Variants in ADARB1 observed in about 807,000 individuals in gnomAD.
The protein encoded by ADARB1 is adenosine deaminase RNA specific B1.
ADARB1 carries 10 observed loss-of-function variants against 52.4 expected under a neutral mutation model. That is an observed-to-expected ratio of 0.19 (90% CI 0.12 to 0.32). The LOEUF is 0.32. Among genes scored for constraint, ADARB1 ranks in the 10% least tolerant of loss-of-function variants. ADARB1 has a pLI of 1.00. For missense variants in ADARB1, 643 were observed against 922.3 expected (o/e 0.70, Z 3.92); for synonymous variants, 349 against 371.1 (o/e 0.94, Z 0.68).
chr21:45,103,642 A>G (rs2087121819), intron 1 of ADARB1, among the ~76,000 whole-genome samples: 1 of 152,052 alleles, frequency 6.6e-6, no homozygotes, highest in South Asian at 2.1e-4. Flanking sequence ...TCTGAAGCCC[A>G]GTTCCTAACA....
intron 1 of ADARB1, among the ~76,000 whole-genome samples, chr21:45,097,030 C>T (rs1169280511): frequency 2.0e-5 from 3 of 152,228 alleles, no homozygotes; most frequent in African/African-American, 7.2e-5. Context: ...TGAGCCACTG[C>T]GCCCAGCCTT....
At chr21:45,183,066 G>A (rs139875954) in intron 6 of ADARB1, among the ~76,000 whole-genome samples, 4 of 152,226 alleles carry the variant, frequency 2.6e-5, no homozygotes, top group African/African-American at 4.8e-5. Context: ...TCTAGTCACC[G>A]TTTCTAGAAA....
At position 45,180,352 on chromosome 21, in the gene ADARB1, G is replaced by A. The variant is rs1231437737; in HGVS notation, c.986G>A (p.Arg329His). The change falls in exon 5 of 11, where the codon CGC (arginine) becomes CAC (histidine). Residue 329 changes from arginine to histidine, a missense_variant. Coordinates refer to ENST00000348831, the MANE Select transcript of ADARB1 (RefSeq NM_001112.4). Reference protein sequence around the residue: ...LPQVLADAVSRLVLGKFGDLT... With the variant: ...LPQVLADAVSHLVLGKFGDLT... ...CAGGTTTTAGCTGACGCTGTCTCAC[G>A]CCTGGTCCTGGGTAAGTTTGGTGAC... 6 of 1,613,942 alleles carry A rather than the reference G, an allele frequency of 3.7e-6. No individual in the cohort carries two copies. The highest frequency in any genetic ancestry group is 2.2e-5 in the East Asian group (1 of 44,886).
At chr21:45,122,508 G>A (rs1217862656) in intron 1 of ADARB1, among the ~76,000 whole-genome samples, 1 of 152,180 alleles carries the variant, frequency 6.6e-6, no homozygotes, top group Non-Finnish European at 1.5e-5. Flanking sequence ...GACAAATTTG[G>A]AGTCATGCTA....
chr21:45,182,152 T>C (rs1351844894), intron 5 of ADARB1, among the ~76,000 whole-genome samples: 1 of 152,244 alleles, frequency 6.6e-6, no homozygotes, highest in Non-Finnish European at 1.5e-5. Flanking sequence ...CTTATTCCTC[T>C]GGGTGCCGTT....
chr21:45,092,344 C>G (rs960145288), intron 1 of ADARB1, among the ~76,000 whole-genome samples: 1 of 152,188 alleles, frequency 6.6e-6, no homozygotes, highest in African/African-American at 2.4e-5. Context: ...ACTTTCTGAC[C>G]TCTCTCTCTT....
At chr21:45,184,041 C>T (rs115488269) in intron 7 of ADARB1, among the ~76,000 whole-genome samples, 1 of 152,200 alleles carries the variant, frequency 6.6e-6, no homozygotes, top group African/African-American at 2.4e-5. Context: ...CCAAATAGAA[C>T]GTTTTATTAC....
At chr21:45,129,959 G>C (rs571456052) in intron 2 of ADARB1, among the ~76,000 whole-genome samples, 8 of 152,154 alleles carry the variant, frequency 5.3e-5, no homozygotes, top group African/African-American at 1.9e-4. Flanking sequence ...CTTTTTTTGG[G>C]GGGGTACACA....
chr21:45,167,395 GATTA>G (rs1225046180), intron 2 of ADARB1, among the ~76,000 whole-genome samples: 3 of 152,150 alleles, frequency 2.0e-5, no homozygotes, highest in African/African-American at 4.8e-5. Flanking sequence ...ACCAATTATT[GATTA>G]ATTATGTATA....
chr21:45,074,810 G>A lies in ADARB1; in HGVS notation c.-220+17G>A. 1 of 147,584 alleles carries A rather than the reference G, an allele frequency of 6.8e-6. No homozygotes were observed. Among genetic ancestry groups the A allele is most frequent in the South Asian group, 1.8e-4 (1 of 5,444 alleles). 9.1% of individuals were successfully genotyped at this position (147,584 alleles called of 1,614,324 possible). A position where few individuals can be genotyped will look rare whatever the true frequency, so the allele number is the denominator to read the frequency against. On this transcript the variant is annotated intron_variant, in intron 1 of 10. Transcript: ENST00000348831. ...GCGGCTGAGGTGAGGGCGGCGCGGG[G>A]CCGCGGCGGCTCGGGCGGGCGCGGG... is the stretch of plus-strand genomic sequence containing the variant.
intron 9 of ADARB1, among the ~76,000 whole-genome samples, chr21:45,219,749 G>A (rs969438906): frequency 2.0e-5 from 3 of 152,196 alleles, no homozygotes; most frequent in Admixed American, 6.5e-5. Context: ...TTTGATGAGA[G>A]GAATAAATAG....
At chr21:45,185,143 A>G (rs762056513) in intron 8 of ADARB1, 52 bp downstream of exon 8, 1 of 1,570,626 alleles carries the variant, frequency 6.4e-7, no homozygotes. Context: ...GGATTCATCC[A>G]TACTGTTTGC....
In ADARB1 at chr21:45,221,573, G is replaced by A. The variant is rs116452425; in HGVS notation, c.1927-445G>A. Among the ~76,000 whole-genome samples the A allele has an allele frequency of 5.9e-5, 9 of 152,292 alleles. No homozygotes were observed. The highest frequency in any genetic ancestry group is 2.1e-4 in the South Asian group (1 of 4,822). ...GGTATAGCCAGAAGGGACAGTGCCCGGGAGGGTCCTGTTCACCAGGGGCAG... is the reference window on the plus strand; with the variant it reads ...GGTATAGCCAGAAGGGACAGTGCCCAGGAGGGTCCTGTTCACCAGGGGCAG... On this transcript the variant is annotated intron_variant, in intron 10 of 10. Coordinates refer to ENST00000348831, the MANE Select transcript of ADARB1 (RefSeq NM_001112.4). The surrounding 1 kb of genome is among the most constrained non-coding windows in gnomAD (Gnocchi z 4.9).
At chr21:45,184,805 T>C in intron 7 of ADARB1, 118 bp from the exon 8 acceptor site, 1 of 1,132,560 alleles carries the variant, frequency 8.8e-7, no homozygotes, top group Non-Finnish European at 1.3e-6. Flanking sequence ...GGCATAAACA[T>C]ATGCATTTAT....
At chr21:45,195,663 A>G (rs531790049) in intron 8 of ADARB1, among the ~76,000 whole-genome samples, 46 of 152,136 alleles carry the variant, frequency 3.0e-4, no homozygotes, top group Non-Finnish European at 5.9e-4. Context: ...TTTGTAGAAA[A>G]TACTACCTTT....
Position 45,183,523 on chromosome 21 carries a change from A to C in ADARB1, c.1396+13A>C. The C allele has an allele frequency of 6.2e-7, 1 of 1,610,476 alleles. No individual in the cohort carries two copies. ...CCAATCCTGGAAGGTATGAGACGAGATTCTTCAACAAGCCAGTTTCTCAAG... is the reference window on the plus strand; with the variant it reads ...CCAATCCTGGAAGGTATGAGACGAGCTTCTTCAACAAGCCAGTTTCTCAAG... On this transcript the variant is annotated intron_variant, in intron 7 of 10. Transcript: ENST00000348831.
In ADARB1 at chr21:45,175,737, C is replaced by T; in HGVS notation, c.36C>T (p.Ser12=). The T allele has an allele frequency of 6.2e-7, 1 of 1,613,964 alleles. No individual in the cohort carries two copies. The highest frequency in any genetic ancestry group is 1.1e-5 in the South Asian group (1 of 91,074). The change falls in exon 4 of 11, where the codon AGC becomes AGT. Residue 12 remains serine (S), a synonymous_variant. Coordinates refer to ENST00000348831, the MANE Select transcript of ADARB1 (RefSeq NM_001112.4). ...TCTTTCTGGGCACCACAGGTTCCAG[C>T]AGCACTGATGTGAAGGAAAACCGCA... The part of the protein sequence containing the change: ...DIEDEENMSS[S]STDVKENRNL...
chr21:45,177,535 T>C (rs1183222178), intron 4 of ADARB1: 1 of 152,256 alleles, frequency 6.6e-6, no homozygotes, highest in Non-Finnish European at 1.5e-5. Context: ...TCTGATTATG[T>C]ATTCCTTCTT....
chr21:45,176,499 T>C lies in ADARB1; in HGVS notation c.798T>C (p.Ser266=), dbSNP rs779624932. The change falls in exon 4 of 11, where the codon TCT becomes TCC. Residue 266 remains serine (S), a synonymous_variant. Coordinates refer to ENST00000348831, the MANE Select transcript of ADARB1 (RefSeq NM_001112.4). The surrounding 1 kb of genome is among the most constrained non-coding windows in gnomAD (Gnocchi z 5.8). ...GESHAKSFVM[S]VVVDGQFFEG... ...GCCATGCCAAGAGCTTCGTCATGTC[T>C]GTGGTCGTGGATGGTCAGTTCTTTG... 10 of 1,614,206 alleles carry C rather than the reference T, an allele frequency of 6.2e-6. No individual in the cohort carries two copies. Among genetic ancestry groups the C allele is most frequent in the Non-Finnish European group, 8.5e-6 (10 of 1,180,042 alleles).
Sources: allele counts gnomAD v4.1 joint callset (sites outside exome capture counted in the v4.1 genomes callset), GRCh38; gene constraint gnomAD v4.1.1; non-coding constraint Gnocchi (gnomAD v3.1); transcripts MANE v1.5; gene names NCBI Gene and HGNC (gene_info 2026-07-23, HGNC 2026-07-21).